KCNH5: variants seen among roughly 807,000 people sequenced by gnomAD.
KCNH5 encodes the protein potassium voltage-gated channel subfamily H member 5.
In KCNH5, 46 loss-of-function variants were observed where a neutral mutation model predicts 96.1. The ratio of observed to expected loss-of-function variants is 0.48; its 90% confidence interval spans 0.38 to 0.61. The LOEUF (loss-of-function observed/expected upper bound fraction) is 0.61, where lower values mean the gene tolerates loss of function less well. Among genes scored for constraint, KCNH5 ranks in the 20% least tolerant of loss-of-function variants. The pLI is 0.00. For synonymous variants in KCNH5, 439 were observed against 449.8 expected, an observed-to-expected ratio of 0.98 and a Z score of 0.30; for missense variants, 907 against 1,225.8, an observed-to-expected ratio of 0.74 and a Z score of 3.88.
chr14:62,900,090 G>T (rs1424655258), intron 7 of KCNH5, among the ~76,000 whole-genome samples: 2 of 152,108 alleles, frequency 1.3e-5, no homozygotes, highest in Non-Finnish European at 2.9e-5. Flanking sequence ...CAAACTTGTA[G>T]GACCATCTGA....
intron 10 of KCNH5, chr14:62,712,459 A>G (rs1884591647): frequency 1.7e-6 from 1 of 591,644 alleles, no homozygotes. Context: ...CTTTTATCAC[A>G]GAGAAGCAAA....
At chr14:62,797,283 G>C (rs967372119) in intron 9 of KCNH5, among the ~76,000 whole-genome samples, 6 of 152,104 alleles carry the variant, frequency 3.9e-5, no homozygotes, top group Non-Finnish European at 8.8e-5. Context: ...TTGAACCATA[G>C]ATAAACAATG....
intron 8 of KCNH5, among the ~76,000 whole-genome samples, chr14:62,812,116 C>G (rs770420825): frequency 2.0e-5 from 3 of 152,132 alleles, no homozygotes; most frequent in Non-Finnish European, 4.4e-5. Flanking sequence ...TACGCTCCTT[C>G]GTGAAGCTCA....
rs74422790 is a variant in KCNH5, at chr14:63,043,846, G to T, written c.73+1268C>A. ...TAATCTAATCTACCATTTAGGGAAA[G>T]CATTATTTATTTAATTATTTGATAT... On this transcript the variant is annotated intron_variant, in intron 1 of 10. Coordinates refer to ENST00000322893, the MANE Select transcript of KCNH5 (RefSeq NM_139318.5). 2.9e-3 allele frequency among the ~76,000 whole-genome samples: 435 copies of T among 152,294 alleles called. 2 individuals are homozygous for T. The highest frequency in any genetic ancestry group is 9.9e-3 in the African/African-American group (413 of 41,574).
intron 6 of KCNH5, among the ~76,000 whole-genome samples, chr14:62,969,903 A>T (rs1185431157): frequency 6.6e-6 from 1 of 150,870 alleles, no homozygotes; most frequent in Non-Finnish European, 1.5e-5. Context: ...CTCTATCAAG[A>T]TACAAAAAAT....
At chr14:62,941,488 C>G (rs944062083) in intron 7 of KCNH5, among the ~76,000 whole-genome samples, 1 of 152,090 alleles carries the variant, frequency 6.6e-6, no homozygotes, top group Non-Finnish European at 1.5e-5. Context: ...GCCTATAACC[C>G]TGAACTTGGG....
intron 7 of KCNH5, among the ~76,000 whole-genome samples, chr14:62,924,151 T>C (rs1014720655): frequency 6.6e-6 from 1 of 151,924 alleles, no homozygotes; most frequent in African/African-American, 2.4e-5. Context: ...GACTTTAAAA[T>C]GGGCAAAGGA....
chr14:62,920,513 C>T (rs1889360162), intron 7 of KCNH5, among the ~76,000 whole-genome samples: 1 of 151,982 alleles, frequency 6.6e-6, no homozygotes, highest in African/African-American at 2.4e-5. Context: ...CAGTGTGATG[C>T]CCTGCCTACT....
intron 8 of KCNH5, among the ~76,000 whole-genome samples, chr14:62,833,259 T>C (rs1887395260): frequency 6.6e-6 from 1 of 152,050 alleles, no homozygotes; most frequent in Non-Finnish European, 1.5e-5. Context: ...TGTTTTCTTC[T>C]AGTAGTTTTA....
At position 63,001,478 on chromosome 14, in the gene KCNH5, G is replaced by T; in HGVS notation, c.305-19C>A. On this transcript the variant is annotated intron_variant, in intron 3 of 10. Coordinates refer to ENST00000322893, the MANE Select transcript of KCNH5 (RefSeq NM_139318.5). ...GGGGTTCCTGTAACAGAAAGAAGTT[G>T]GGGAAAGGACATTAGAGTGTGGCAC... The T allele has an allele frequency of 6.2e-7, 1 of 1,604,158 alleles. No individual in the cohort carries two copies. The highest frequency in any genetic ancestry group is 1.1e-5 in the South Asian group (1 of 88,958).
intron 7 of KCNH5, among the ~76,000 whole-genome samples, chr14:62,882,193 G>A (rs932767352): frequency 4.7e-5 from 7 of 149,066 alleles, no homozygotes; most frequent in Admixed American, 4.7e-4. Context: ...GGGCCCACAT[G>A]TTCAAGGCTG....
In KCNH5 at chr14:63,045,442, C is replaced by A; in HGVS notation, c.-256G>T. 1 of 510,612 alleles carries A rather than the reference C, an allele frequency of 2.0e-6. No individual in the cohort carries two copies. Among genetic ancestry groups the A allele is most frequent in the East Asian group, 3.2e-5 (1 of 31,214 alleles). 31.6% of individuals were successfully genotyped at this position (510,612 alleles called of 1,614,324 possible). A position where few individuals can be genotyped will look rare whatever the true frequency, so the allele number is the denominator to read the frequency against. On this transcript the variant is annotated 5_prime_UTR_variant, in exon 1 of 11. Transcript: ENST00000322893. ...GCCCAGACTGTGGCGGTGCCGCACA[C>A]GGGGCTCGGGAACTGCAGGCTCCGC...
chr14:62,967,906 T>C (rs1343077076), intron 6 of KCNH5, among the ~76,000 whole-genome samples: 1 of 152,178 alleles, frequency 6.6e-6, no homozygotes, highest in Non-Finnish European at 1.5e-5. Context: ...TTATCATGAA[T>C]GAAGATCAGT....
intron 8 of KCNH5, among the ~76,000 whole-genome samples, chr14:62,817,749 G>T (rs1887019394): frequency 7.1e-6 from 1 of 141,512 alleles, no homozygotes; most frequent in African/African-American, 2.6e-5. Flanking sequence ...ATATATTCTA[G>T]GAATATATTA....
intron 6 of KCNH5, among the ~76,000 whole-genome samples, chr14:62,970,038 T>A: frequency 1.5e-5 from 1 of 66,880 alleles, no homozygotes; most frequent in South Asian, 4.2e-4. Context: ...AGAGTGAGAC[T>A]CCGTCTAAAA....
intron 7 of KCNH5, among the ~76,000 whole-genome samples, chr14:62,876,279 G>A (rs935769349): frequency 2.0e-5 from 3 of 152,178 alleles, no homozygotes; most frequent in Non-Finnish European, 4.4e-5. Flanking sequence ...GACTTAAGAT[G>A]TTACCCTAAG....
At chr14:62,731,723 A>AT (rs1282638859) in intron 10 of KCNH5, among the ~76,000 whole-genome samples, 2 of 152,222 alleles carry the variant, frequency 1.3e-5, no homozygotes, top group Non-Finnish European at 2.9e-5. Context: ...TTGCAAATAT[A>AT]TTTTTTAAAA....
intron 8 of KCNH5, among the ~76,000 whole-genome samples, chr14:62,830,831 TC>T (rs925698943): frequency 3.9e-5 from 6 of 151,986 alleles, no homozygotes; most frequent in African/African-American, 1.5e-4. Flanking sequence ...AGATTTTTTT[TC>T]AAGAGCATCC....
chr14:62,879,597 G>A (rs17823687), intron 7 of KCNH5, among the ~76,000 whole-genome samples: 16,616 of 151,994 alleles, frequency 0.11, 1,131 homozygotes, highest in East Asian at 0.27. Context: ...CCTCCTGAAG[G>A]ACCTTCCCGA....
Sources: allele counts gnomAD v4.1 joint callset (sites outside exome capture counted in the v4.1 genomes callset), GRCh38; gene constraint gnomAD v4.1.1; transcripts MANE v1.5; gene names NCBI Gene and HGNC (gene_info 2026-07-23, HGNC 2026-07-21).